The following TMEM132D variants were observed in gnomAD, a reference collection of about 807,000 sequenced individuals.
The protein encoded by TMEM132D is mature OL transmembrane protein.
Under a neutral mutation model 62.3 loss-of-function variants are expected in TMEM132D, and 21 were observed. The observed-to-expected ratio is 0.34, with a 90% CI of 0.24 to 0.49. The LOEUF (loss-of-function observed/expected upper bound fraction) is 0.49. Ranked by LOEUF, TMEM132D falls within the 20% of genes least tolerant of loss-of-function variation. The pLI is 0.99. For missense variants in TMEM132D, 1,346 were observed against 1,402.8 expected, an observed-to-expected ratio of 0.96 and a Z score of 0.65; for synonymous variants, 621 against 575.6, an observed-to-expected ratio of 1.08 and a Z score of -1.13.
chr12:129,491,941 C>CA (rs10673817), intron 3 of TMEM132D, among the ~76,000 whole-genome samples: 51,798 of 149,120 alleles, frequency 0.35, 9,062 homozygotes, highest in East Asian at 0.55. Context: ...GATTCTGTCT[C>CA]AAAAAAAAAA....
At chr12:129,392,098 C>T (rs1871304713) in intron 3 of TMEM132D, among the ~76,000 whole-genome samples, 1 of 143,742 alleles carries the variant, frequency 7.0e-6, no homozygotes, top group Non-Finnish European at 1.5e-5. Flanking sequence ...ACTCTTGTTG[C>T]CCAGGCTGGA....
At chr12:129,764,578 TTGTA>T (rs932865136) in intron 1 of TMEM132D, among the ~76,000 whole-genome samples, 5 of 99,560 alleles carry the variant, frequency 5.0e-5, no homozygotes, top group African/African-American at 1.1e-4. Flanking sequence ...GCATGTGTAT[TTGTA>T]TGTGTGTTTG....
At chr12:129,609,843 A>G (rs1878723335) in intron 2 of TMEM132D, among the ~76,000 whole-genome samples, 1 of 152,242 alleles carries the variant, frequency 6.6e-6, no homozygotes. Flanking sequence ...TTAAAGACAC[A>G]GACCAGGGCC....
In TMEM132D at chr12:129,074,449, G is replaced by T. The variant is rs2135603155; in HGVS notation, c.2726C>A (p.Ala909Glu). ...GEMDGNDLMQ[A>E]SKGLSDLEIG... Reference sequence around the variant, plus strand: ...TTCTAAGTCGCTCAGCCCTTTGGATGCCTGCATAAGGTCATTCCCATCCAT... The same window carrying T: ...TTCTAAGTCGCTCAGCCCTTTGGATTCCTGCATAAGGTCATTCCCATCCAT... The change falls in exon 9 of 9, where the codon GCA becomes GAA. Residue 909 changes from alanine (A) to glutamate (E), a missense_variant. By Grantham distance (107) the Ala-to-Glu change is moderately radical. Coordinates refer to ENST00000422113, the MANE Select transcript of TMEM132D (RefSeq NM_133448.3). The T allele has an allele frequency of 6.2e-7, 1 of 1,614,138 alleles. No individual in the cohort carries two copies. The highest frequency in any genetic ancestry group is 8.5e-7 in the Non-Finnish European group (1 of 1,180,026).
intron 3 of TMEM132D, among the ~76,000 whole-genome samples, chr12:129,502,813 A>G (rs1875194214): frequency 6.6e-6 from 1 of 152,188 alleles, no homozygotes; most frequent in Non-Finnish European, 1.5e-5. Context: ...GGAATTAGCT[A>G]GATTTGGATC....
chr12:129,163,515 A>T (rs895218041), intron 5 of TMEM132D, among the ~76,000 whole-genome samples: 1 of 152,174 alleles, frequency 6.6e-6, no homozygotes, highest in Non-Finnish European at 1.5e-5. Flanking sequence ...GGATCAGAGG[A>T]GGACAGAAAG....
intron 2 of TMEM132D, among the ~76,000 whole-genome samples, chr12:129,597,608 C>G (rs1442123227): frequency 6.6e-6 from 1 of 152,104 alleles, no homozygotes; most frequent in Non-Finnish European, 1.5e-5. Flanking sequence ...AGTCCAAGGA[C>G]TAAAATATCA....
intron 5 of TMEM132D, among the ~76,000 whole-genome samples, chr12:129,135,956 T>C (rs1005961105): frequency 6.6e-6 from 1 of 152,178 alleles, no homozygotes; most frequent in Non-Finnish European, 1.5e-5. Flanking sequence ...ACTAACTATA[T>C]CTGCAATGAA....
At chr12:129,836,896 GC>G (rs1873023970) in intron 1 of TMEM132D, among the ~76,000 whole-genome samples, 1 of 152,142 alleles carries the variant, frequency 6.6e-6, no homozygotes, top group South Asian at 2.1e-4. Context: ...TGTAGCTATA[GC>G]CATTTACAGA....
At chr12:129,878,669 C>T (rs953766916) in intron 1 of TMEM132D, among the ~76,000 whole-genome samples, 21 of 152,170 alleles carry the variant, frequency 1.4e-4, no homozygotes, top group Middle Eastern at 3.4e-3. Flanking sequence ...CTCCACCTCC[C>T]GGGTTCAAAC....
At chr12:129,592,059 A>G (rs1461245168) in intron 2 of TMEM132D, among the ~76,000 whole-genome samples, 2 of 152,192 alleles carry the variant, frequency 1.3e-5, no homozygotes, top group African/African-American at 2.4e-5. Flanking sequence ...CTAAACCACA[A>G]TAATCTGATC....
intron 5 of TMEM132D, among the ~76,000 whole-genome samples, chr12:129,168,255 T>C (rs1378170257): frequency 6.6e-6 from 1 of 152,144 alleles, no homozygotes; most frequent in East Asian, 1.9e-4. Flanking sequence ...TTTGGGATTT[T>C]TTTTTTACCA....
At chr12:129,805,479 T>G (rs1393779352) in intron 1 of TMEM132D, among the ~76,000 whole-genome samples, 18 of 152,186 alleles carry the variant, frequency 1.2e-4, no homozygotes, top group South Asian at 4.2e-4. Context: ...TGGGAAAACC[T>G]GCTAGCCATA....
At chr12:129,099,881 A>C (rs1875244261) in intron 5 of TMEM132D, among the ~76,000 whole-genome samples, 1 of 137,872 alleles carries the variant, frequency 7.3e-6, no homozygotes, top group South Asian at 2.1e-4. Flanking sequence ...GCTGGAGTGC[A>C]GTGGCAGGAT....
Position 129,393,260 on chromosome 12 carries a change from G to A in TMEM132D, c.1116-55443C>T, listed in dbSNP as rs367696684. On this transcript the variant is annotated intron_variant, in intron 3 of 8. Coordinates refer to ENST00000422113, the MANE Select transcript of TMEM132D (RefSeq NM_133448.3). ...CCAGTGTGTGTGCTTGTGAAGGTTT[G>A]CAATACACATTGGTTGAATGAGTGA... 2.4e-4 allele frequency among the ~76,000 whole-genome samples: 36 copies of A among 152,336 alleles called. No individual in the cohort carries two copies. The South Asian group carries it at 7.3e-3, about 31-fold the overall frequency.
chr12:129,339,156 A>C (rs1378000744), intron 3 of TMEM132D, among the ~76,000 whole-genome samples: 3 of 152,140 alleles, frequency 2.0e-5, no homozygotes, highest in Non-Finnish European at 1.5e-5. Flanking sequence ...CTATAATCCC[A>C]GCTAGTTGGG....
At chr12:129,383,051 C>T (rs1462453530) in intron 3 of TMEM132D, among the ~76,000 whole-genome samples, 1 of 152,158 alleles carries the variant, frequency 6.6e-6, no homozygotes, top group East Asian at 1.9e-4. Flanking sequence ...TCCCAAAGCA[C>T]ACTGAGGAGT....
intron 3 of TMEM132D, among the ~76,000 whole-genome samples, chr12:129,468,219 T>A (rs1873978251): frequency 1.3e-5 from 2 of 151,930 alleles, no homozygotes; most frequent in African/African-American, 2.4e-5. Context: ...TCCCCTGGCT[T>A]CTGACTCGGA....
chr12:129,833,326 T>C (rs926560531), intron 1 of TMEM132D, among the ~76,000 whole-genome samples: 4 of 152,068 alleles, frequency 2.6e-5, no homozygotes, highest in African/African-American at 9.7e-5. Context: ...CTGGGCTGGG[T>C]ATGGTGGTTC....
Sources: allele counts gnomAD v4.1 joint callset (sites outside exome capture counted in the v4.1 genomes callset), GRCh38; gene constraint gnomAD v4.1.1; transcripts MANE v1.5; gene names NCBI Gene and HGNC (gene_info 2026-07-23, HGNC 2026-07-21).